VWDE: variants seen among roughly 807,000 people sequenced by gnomAD.
VWDE encodes the protein von Willebrand factor D and EGF domain-containing protein.
Under a neutral mutation model 178.4 loss-of-function variants are expected in VWDE, and 207 were observed. The observed-to-expected ratio is 1.16, with a 90% CI of 1.04 to 1.30. The LOEUF is 1.30. VWDE is among the 50% of genes most tolerant of loss of function. The pLI, the probability that VWDE is intolerant of heterozygous loss-of-function variation, is 0.00. For synonymous variants in VWDE, 738 were observed against 651.4 expected (o/e 1.13, Z -2.02); for missense variants, 2,287 against 1,901.3 (o/e 1.20, Z -3.77).
intron 3 of VWDE, among the ~76,000 whole-genome samples, chr7:12,388,002 CAAAT>C (rs1784189410): frequency 1.3e-5 from 2 of 152,102 alleles, no homozygotes; most frequent in Non-Finnish European, 2.9e-5. Flanking sequence ...AGTGCACTCT[CAAAT>C]AAATAAACTG....
Position 12,373,181 on chromosome 7 carries a change from G to C in VWDE, c.1383C>G (p.Val461=), listed in dbSNP as rs918482121. The part of the protein sequence containing the change: ...LYKSMSRDFE[V]HVRQWDCRSL... Reference sequence around the variant, plus strand: ...TTCTGCAGTCCCACTGACGTACATGGACTTCAAAATCACGTGACATACTCT... The same window carrying C: ...TTCTGCAGTCCCACTGACGTACATGCACTTCAAAATCACGTGACATACTCT... Residue 461 remains valine, a synonymous_variant, in exon 10 of 29, where the codon GTC becomes GTG. Transcript: ENST00000275358. The C allele has an allele frequency of 1.9e-5, 29 of 1,551,146 alleles. No homozygotes were observed. The highest frequency in any genetic ancestry group is 2.7e-5 in the African/African-American group (2 of 72,976).
intron 16 of VWDE, among the ~76,000 whole-genome samples, chr7:12,358,004 A>G (rs979473063): frequency 1.3e-5 from 2 of 152,030 alleles, no homozygotes; most frequent in Non-Finnish European, 1.5e-5. Context: ...CCCCAGCTAT[A>G]ATACGTGGAA....
At chr7:12,371,776 C>G (rs1476133490) in intron 10 of VWDE, among the ~76,000 whole-genome samples, 1 of 152,032 alleles carries the variant, frequency 6.6e-6, no homozygotes, top group Non-Finnish European at 1.5e-5. Flanking sequence ...CCTACTCCAG[C>G]ATTTTCATGA....
chr7:12,397,482 A>C (rs1007684827), intron 1 of VWDE, among the ~76,000 whole-genome samples: 1 of 152,154 alleles, frequency 6.6e-6, no homozygotes, highest in Non-Finnish European at 1.5e-5. Context: ...AAAAAACCCT[A>C]GGAAGTACCT....
rs555533697 is a variant in VWDE, at chr7:12,357,631, C to G, written c.3275-116G>C. On this transcript the variant is annotated intron_variant, in intron 16 of 28. Coordinates refer to ENST00000275358, the MANE Select transcript of VWDE (RefSeq NM_001135924.3). ...TAAAGACTGAACTCTGCTAAAAGGT[C>G]TATTAGCTGCTTTCATTTTTTTTTT... 7.0e-6 allele frequency: 8 copies of G among 1,150,550 alleles called. No homozygotes were observed. The East Asian group carries it at 1.0e-4, about 15-fold the overall frequency. 71.3% of individuals were successfully genotyped at this position (1,150,550 alleles called of 1,614,324 possible). A position where few individuals can be genotyped will look rare whatever the true frequency, so the allele number is the denominator to read the frequency against.
rs908130281 is a variant in VWDE at position 12,333,630 on chromosome 7, A to G, written c.4655-62T>C. ...ACATGAAATGCTTGTGGCATATTCT[A>G]TCCTAGTGGTCTGGGGCTATCTGGT... is the stretch of plus-strand genomic sequence containing the variant. On this transcript the variant is annotated intron_variant, in intron 27 of 28. Transcript: ENST00000275358. 8.7e-6 allele frequency: 10 copies of G among 1,152,226 alleles called. No homozygotes were observed. The African/African-American group carries it at 1.4e-4, about 16-fold the overall frequency. 71.4% of individuals were successfully genotyped at this position (1,152,226 alleles called of 1,614,324 possible). A position where few individuals can be genotyped will look rare whatever the true frequency, so the allele number is the denominator to read the frequency against.
At chr7:12,349,817 T>C (rs1781833459) in intron 19 of VWDE, among the ~76,000 whole-genome samples, 1 of 151,916 alleles carries the variant, frequency 6.6e-6, no homozygotes, top group Admixed American at 6.6e-5. Flanking sequence ...CTAAACAACT[T>C]TGGAGATGAG....
chr7:12,393,762 A>C lies in VWDE; in HGVS notation c.75T>G (p.Pro25=). 1 of 1,550,030 alleles carries C rather than the reference A, an allele frequency of 6.5e-7. No individual in the cohort carries two copies. The highest frequency in any genetic ancestry group is 1.2e-5 in the South Asian group (1 of 83,716). ...GACTCCGAAGAAACTGGTGTCCCCC[A>C]GGAGAGCACTCCTGAGCTAGTATGG... The part of the protein sequence containing the change: ...LAWGEAQECS[P]GGHQFLRSPY... Residue 25 remains proline (P), a synonymous_variant, in exon 2 of 29, where the codon CCT becomes CCG. Coordinates refer to ENST00000275358, the MANE Select transcript of VWDE (RefSeq NM_001135924.3).
At position 12,377,899 on chromosome 7, in the gene VWDE, T is replaced by A; in HGVS notation, c.901A>T (p.Ile301Leu). Reference sequence around the variant, plus strand: ...TAGTATTCTTTCCCATCCTCTGATATAGTGCTCAATTCAGGCTGTAGCTGG... The same window carrying A: ...TAGTATTCTTTCCCATCCTCTGATAAAGTGCTCAATTCAGGCTGTAGCTGG... ...GFKLQPELST[I>L]SEDGKEYYLR... Residue 301 changes from isoleucine to leucine, a missense_variant, in exon 7 of 29, where the codon ATA becomes TTA. Transcript: ENST00000275358. 1 of 1,490,058 alleles carries A rather than the reference T, an allele frequency of 6.7e-7. No individual in the cohort carries two copies. Among genetic ancestry groups the A allele is most frequent in the South Asian group, 1.4e-5 (1 of 69,542 alleles). 92.3% of individuals were successfully genotyped at this position (1,490,058 alleles called of 1,614,324 possible). A position where few individuals can be genotyped will look rare whatever the true frequency, so the allele number is the denominator to read the frequency against.
At chr7:12,361,107 C>A in intron 15 of VWDE, 40 bp downstream of exon 15, 1 of 1,256,868 alleles carries the variant, frequency 8.0e-7, no homozygotes, top group Non-Finnish European at 1.1e-6. Context: ...ATGAAAATAC[C>A]TATGATGTAA....
chr7:12,367,229 T>C (rs938996553), intron 13 of VWDE, 128 bp downstream of exon 13: 110 of 634,160 alleles, frequency 1.7e-4, no homozygotes, highest in Non-Finnish European at 2.3e-4. Flanking sequence ...ATCATTTTCC[T>C]GTTCAGCTCT....
intron 8 of VWDE, 48 bp from the exon 9 acceptor site, chr7:12,374,810 A>C (rs1408897738): frequency 7.9e-7 from 1 of 1,259,812 alleles, no homozygotes; most frequent in African/African-American, 1.5e-5. Flanking sequence ...AATTATATTT[A>C]GTGATATATA....
At chr7:12,375,369 T>G in intron 7 of VWDE, 142 bp from the exon 8 acceptor site, 1 of 748,158 alleles carries the variant, frequency 1.3e-6, no homozygotes, top group South Asian at 2.0e-5. Context: ...GGTTGCAAAT[T>G]TTGTCTAAAT....
At chr7:12,344,881 A>G (rs1781518140) in intron 19 of VWDE, among the ~76,000 whole-genome samples, 1 of 152,168 alleles carries the variant, frequency 6.6e-6, no homozygotes, top group Admixed American at 6.6e-5. Context: ...AATATGCCAG[A>G]ATTAGTATTT....
intron 15 of VWDE, 118 bp downstream of exon 15, chr7:12,361,029 C>T: frequency 3.4e-6 from 2 of 589,156 alleles, no homozygotes; most frequent in East Asian, 3.1e-5. Context: ...TTGAGGAAGG[C>T]TTTTCTCTAT....
At position 12,397,891 on chromosome 7, in the gene VWDE, A is replaced by C. The variant is rs142254169; in HGVS notation, c.59-4113T>G. ...TCTTACACCAGTCCGAATCACTATT[A>C]TTAAAAAGTCAAAAAACAACAGATG... On this transcript the variant is annotated intron_variant, in intron 1 of 28. Transcript: ENST00000275358. Among the ~76,000 whole-genome samples the C allele has an allele frequency of 3.0e-4, 45 of 152,326 alleles. No individual in the cohort carries two copies. In the East Asian group the frequency reaches 7.1e-3, roughly 24 times the overall value.
At chr7:12,388,197 T>C (rs1784200836) in intron 3 of VWDE, among the ~76,000 whole-genome samples, 2 of 152,170 alleles carry the variant, frequency 1.3e-5, no homozygotes, top group Admixed American at 1.3e-4. Context: ...TTAATTTGAG[T>C]TTATATAAAC....
chr7:12,354,565 T>C, intron 18 of VWDE: 1 of 253,104 alleles, frequency 4.0e-6, no homozygotes, highest in South Asian at 4.4e-5. Flanking sequence ...ATTATATAAC[T>C]TCTACTTTTT....
chr7:12,333,618 G>T, intron 27 of VWDE, 50 bp from the exon 28 acceptor site: 1 of 1,288,416 alleles, frequency 7.8e-7, no homozygotes, highest in Non-Finnish European at 1.1e-6. Context: ...TGAAATGCTT[G>T]TGGCATATTC....
Sources: allele counts gnomAD v4.1 joint callset (sites outside exome capture counted in the v4.1 genomes callset), GRCh38; gene constraint gnomAD v4.1.1; transcripts MANE v1.5; gene names NCBI Gene and HGNC (gene_info 2026-07-23, HGNC 2026-07-21).